CNTN5: variants seen among roughly 807,000 people sequenced by gnomAD.
The protein encoded by CNTN5 is contactin-5.
Under a neutral mutation model 129.1 loss-of-function variants are expected in CNTN5, and 77 were observed. The ratio of observed to expected loss-of-function variants is 0.60; its 90% CI spans 0.50 to 0.72. The LOEUF (loss-of-function observed/expected upper bound fraction) is 0.72, where lower values mean the gene tolerates loss of function less well. Among genes scored for constraint, CNTN5 ranks in the 30% least tolerant of loss-of-function variants. The pLI is 0.00. For missense variants in CNTN5, 1,478 were observed against 1,328.8 expected (o/e 1.11, Z -1.75); for synonymous variants, 509 against 465.6 (o/e 1.09, Z -1.20).
intron 1 of CNTN5, among the ~76,000 whole-genome samples, chr11:99,322,657 G>A (rs928436710): frequency 2.6e-5 from 4 of 151,972 alleles, no homozygotes; most frequent in African/African-American, 9.7e-5. Context: ...GAAAATTACA[G>A]GCAGAGTCTA....
At position 100,271,130 on chromosome 11, in the gene CNTN5, G is replaced by C. The variant is rs1330512098; in HGVS notation, c.2203G>C (p.Ala735Pro). Residue 735 changes from alanine to proline, a missense_variant, in exon 18 of 25, where the codon GCT (alanine) becomes CCT (proline). Coordinates refer to ENST00000524871, the MANE Select transcript of CNTN5 (RefSeq NM_014361.4). ...AACAGGGGACATGGAGTCAGCCATGGCTGTGGACCTAAATCCCTGGGTGGA... is the reference window on the plus strand; with the variant it reads ...AACAGGGGACATGGAGTCAGCCATGCCTGTGGACCTAAATCCCTGGGTGGA... ...IITGDMESAMAVDLNPWVEYE... is the reference protein window; with the variant it reads ...IITGDMESAMPVDLNPWVEYE... 1 of 1,612,420 alleles carries C rather than the reference G, an allele frequency of 6.2e-7. No individual in the cohort carries two copies. The highest frequency in any genetic ancestry group is 8.5e-7 in the Non-Finnish European group (1 of 1,179,328).
intron 1 of CNTN5, among the ~76,000 whole-genome samples, chr11:99,225,921 G>A (rs1860657647): frequency 6.6e-6 from 1 of 152,024 alleles, no homozygotes. Flanking sequence ...ATAAATTCAT[G>A]GAAGAGATTT....
intron 2 of CNTN5, among the ~76,000 whole-genome samples, chr11:99,485,891 T>C (rs1945791707): frequency 6.6e-6 from 1 of 152,022 alleles, no homozygotes; most frequent in Non-Finnish European, 1.5e-5. Flanking sequence ...TTCATTTACT[T>C]GGTTTGGAAA....
intron 6 of CNTN5, among the ~76,000 whole-genome samples, chr11:99,911,585 T>G (rs1447909365): frequency 2.6e-5 from 4 of 151,956 alleles, no homozygotes; most frequent in African/African-American, 7.2e-5. Flanking sequence ...GAATCTCTTA[T>G]GTACTATCTC....
At chr11:99,253,969 C>T (rs902263254) in intron 1 of CNTN5, among the ~76,000 whole-genome samples, 1 of 149,002 alleles carries the variant, frequency 6.7e-6, no homozygotes, top group Non-Finnish European at 1.5e-5. Flanking sequence ...TATATACATA[C>T]ACATGCTCAT....
intron 13 of CNTN5, among the ~76,000 whole-genome samples, chr11:100,184,663 C>T (rs1948241550): frequency 6.6e-6 from 1 of 152,040 alleles, no homozygotes. Flanking sequence ...TCCAATTAAG[C>T]CCACCCCCCC....
At chr11:100,124,565 G>C (rs1015498555) in intron 13 of CNTN5, among the ~76,000 whole-genome samples, 4 of 151,962 alleles carry the variant, frequency 2.6e-5, no homozygotes, top group Non-Finnish European at 5.9e-5. Flanking sequence ...CAGATTTCTG[G>C]CAATGAGCCC....
chr11:99,513,950 C>A (rs373910404), intron 2 of CNTN5, among the ~76,000 whole-genome samples: 57 of 151,950 alleles, frequency 3.8e-4, no homozygotes, highest in African/African-American at 9.2e-4. Context: ...ATAGTGATTT[C>A]TTTGATGGAT....
chr11:99,556,771 C>A (rs1389495280), intron 3 of CNTN5, among the ~76,000 whole-genome samples: 1 of 150,506 alleles, frequency 6.6e-6, no homozygotes, highest in Non-Finnish European at 1.5e-5. Context: ...TATCTAAAGG[C>A]ATCTCTAACA....
At chr11:99,046,644 GT>G (rs1864222527) in intron 1 of CNTN5, among the ~76,000 whole-genome samples, 1 of 151,974 alleles carries the variant, frequency 6.6e-6, no homozygotes, top group African/African-American at 2.4e-5. Context: ...TCTTCATGAG[GT>G]TTTTGTTTAT....
At chr11:99,082,775 T>C (rs1414800854) in intron 1 of CNTN5, among the ~76,000 whole-genome samples, 1 of 152,182 alleles carries the variant, frequency 6.6e-6, no homozygotes, top group East Asian at 1.9e-4. Flanking sequence ...AGGGTAGATA[T>C]ATCTCCATTA....
intron 3 of CNTN5, among the ~76,000 whole-genome samples, chr11:99,812,131 A>G (rs1022916977): frequency 6.6e-6 from 1 of 152,142 alleles, no homozygotes; most frequent in Admixed American, 6.6e-5. Context: ...AGGAATATGG[A>G]GAAAAGATGG....
At chr11:99,159,762 A>G (rs1472338505) in intron 1 of CNTN5, among the ~76,000 whole-genome samples, 1 of 152,230 alleles carries the variant, frequency 6.6e-6, no homozygotes, top group Admixed American at 6.5e-5. Context: ...ATTCAGCTCT[A>G]CTGGTAAATT....
chr11:100,323,019 A>C (rs1187693486), intron 21 of CNTN5, among the ~76,000 whole-genome samples: 1 of 152,226 alleles, frequency 6.6e-6, no homozygotes, highest in African/African-American at 2.4e-5. Flanking sequence ...TGTTTCACAG[A>C]ACATATCTCA....
chr11:99,381,839 G>C (rs554966537), intron 2 of CNTN5, among the ~76,000 whole-genome samples: 1 of 152,210 alleles, frequency 6.6e-6, no homozygotes, highest in South Asian at 2.1e-4. Flanking sequence ...ACTAATTATA[G>C]CAATTATTTT....
At chr11:99,905,538 T>C (rs1358695410) in intron 6 of CNTN5, among the ~76,000 whole-genome samples, 1 of 152,214 alleles carries the variant, frequency 6.6e-6, no homozygotes, top group Non-Finnish European at 1.5e-5. Flanking sequence ...TTTTGGTTAC[T>C]GTAGCCTTGT....
At chr11:99,768,374 AC>A (rs1944828563) in intron 3 of CNTN5, among the ~76,000 whole-genome samples, 1 of 152,158 alleles carries the variant, frequency 6.6e-6, no homozygotes, top group African/African-American at 2.4e-5. Flanking sequence ...TATATCTCCT[AC>A]ATGATCACAA....
intron 10 of CNTN5, among the ~76,000 whole-genome samples, chr11:100,061,648 C>T (rs1943488919): frequency 6.6e-6 from 1 of 152,172 alleles, no homozygotes; most frequent in South Asian, 2.1e-4. Flanking sequence ...GAGCTATTTC[C>T]CTGGCACCAG....
Position 99,771,357 on chromosome 11 carries a change from G to A in CNTN5, c.56-48187G>A, listed in dbSNP as rs74322481. On this transcript the variant is annotated intron_variant, in intron 3 of 24. Transcript: ENST00000524871. ...CAACTGATGAATGAATAAAGTAAAC[G>A]TGAAATAAATACATATATGTACATA... Among the ~76,000 whole-genome samples the A allele has an allele frequency of 0.011, 1,606 of 151,720 alleles. 64 individuals carry two copies. In the East Asian group the frequency reaches 0.13, roughly 12 times the overall value.
Sources: allele counts gnomAD v4.1 joint callset (sites outside exome capture counted in the v4.1 genomes callset), GRCh38; gene constraint gnomAD v4.1.1; transcripts MANE v1.5; gene names NCBI Gene and HGNC (gene_info 2026-07-23, HGNC 2026-07-21).